The following OR9Q1 variants were observed in gnomAD, a reference collection of about 807,000 sequenced individuals.
OR9Q1 encodes the protein olfactory receptor 9Q1.
For synonymous variants in OR9Q1, 153 were observed against 148.6 expected, an observed-to-expected ratio of 1.03 and a Z score of -0.22; for missense variants, 374 against 378.8, an observed-to-expected ratio of 0.99 and a Z score of 0.11.
intron 1 of OR9Q1, among the ~76,000 whole-genome samples, chr11:58,034,323 G>A (rs1373082334): frequency 1.3e-5 from 2 of 151,760 alleles, no homozygotes; most frequent in Admixed American, 6.6e-5. Context: ...TTCTGACCTC[G>A]TGATCTGCCC....
At chr11:58,115,273 C>CA (rs1853941886) in intron 2 of OR9Q1, among the ~76,000 whole-genome samples, 1 of 152,066 alleles carries the variant, frequency 6.6e-6, no homozygotes, top group African/African-American at 2.4e-5. Flanking sequence ...CTTGCAATAA[C>CA]AAAAATGTTA....
intron 2 of OR9Q1, among the ~76,000 whole-genome samples, chr11:58,086,173 C>A (rs927072490): frequency 6.6e-6 from 1 of 151,710 alleles, no homozygotes; most frequent in Non-Finnish European, 1.5e-5. Context: ...AGCAAAAAAC[C>A]AAATAACCCA....
chr11:58,099,442 A>T (rs1273196765), intron 2 of OR9Q1, among the ~76,000 whole-genome samples: 1 of 151,842 alleles, frequency 6.6e-6, no homozygotes, highest in Non-Finnish European at 1.5e-5. Flanking sequence ...TAAATTCATC[A>T]TCTTGTCATT....
intron 2 of OR9Q1, among the ~76,000 whole-genome samples, chr11:58,164,118 G>A (rs1854479594): frequency 6.6e-6 from 1 of 152,182 alleles, no homozygotes; most frequent in Admixed American, 6.5e-5. Flanking sequence ...CCTGCAGACA[G>A]AGGATATTCC....
intron 1 of OR9Q1, among the ~76,000 whole-genome samples, chr11:58,034,381 C>T (rs775305321): frequency 3.9e-5 from 6 of 152,060 alleles, no homozygotes; most frequent in Non-Finnish European, 5.9e-5. Flanking sequence ...GCCACTGCAC[C>T]CGGCCAGCAC....
intron 2 of OR9Q1, among the ~76,000 whole-genome samples, chr11:58,162,340 T>C (rs1854464921): frequency 6.6e-6 from 1 of 152,246 alleles, no homozygotes; most frequent in Non-Finnish European, 1.5e-5. Context: ...GCTCTAATAA[T>C]GGGTTTTCAC....
chr11:58,031,106 G>C, intron 1 of OR9Q1: 2 of 1,614,044 alleles, frequency 1.2e-6, no homozygotes, highest in Non-Finnish European at 1.7e-6. Flanking sequence ...TTTAGTGGTG[G>C]GTTTGGACCA....
chr11:58,037,718 T>TAG (rs1853121552), intron 1 of OR9Q1, among the ~76,000 whole-genome samples: 1 of 42,958 alleles, frequency 2.3e-5, no homozygotes, highest in Non-Finnish European at 4.4e-5. Context: ...TTTTTTTTTT[T>TAG]TTTTTTTTTT....
intron 2 of OR9Q1, among the ~76,000 whole-genome samples, chr11:58,152,048 C>T (rs1854358274): frequency 6.6e-6 from 1 of 152,150 alleles, no homozygotes; most frequent in African/African-American, 2.4e-5. Context: ...GAAATCCTCT[C>T]AGGCCAGGAG....
At chr11:58,152,255 A>T (rs936622313) in intron 2 of OR9Q1, among the ~76,000 whole-genome samples, 1 of 152,204 alleles carries the variant, frequency 6.6e-6, no homozygotes, top group Non-Finnish European at 1.5e-5. Flanking sequence ...GAATCAGAAC[A>T]TTTATTTTAT....
chr11:58,133,224 TTTTTG>T (rs141914621), intron 2 of OR9Q1, among the ~76,000 whole-genome samples: 6 of 152,028 alleles, frequency 3.9e-5, no homozygotes, highest in Non-Finnish European at 2.9e-5. Flanking sequence ...TCTTTGTTTC[TTTTTG>T]TTTTGTTTTG....
At chr11:58,036,278 CA>C (rs1853099848) in intron 1 of OR9Q1, among the ~76,000 whole-genome samples, 1 of 152,192 alleles carries the variant, frequency 6.6e-6, no homozygotes, top group Non-Finnish European at 1.5e-5. Context: ...TGAATATTTT[CA>C]GCCTACTATT....
intron 2 of OR9Q1, among the ~76,000 whole-genome samples, chr11:58,127,661 A>G (rs1854102577): frequency 6.6e-6 from 1 of 152,182 alleles, no homozygotes; most frequent in Non-Finnish European, 1.5e-5. Context: ...CTTAGCAGCC[A>G]ATACTCATAG....
At chr11:58,151,429 T>C (rs1854350447) in intron 2 of OR9Q1, among the ~76,000 whole-genome samples, 1 of 152,224 alleles carries the variant, frequency 6.6e-6, no homozygotes, top group South Asian at 2.1e-4. Flanking sequence ...TTGCATCATT[T>C]GCTTTCATAG....
chr11:58,174,018 T>A (rs541607747), intron 2 of OR9Q1, among the ~76,000 whole-genome samples: 12 of 152,260 alleles, frequency 7.9e-5, no homozygotes, highest in Admixed American at 5.9e-4. Context: ...GTATATTTTG[T>A]ATGTGATTTG....
intron 2 of OR9Q1, among the ~76,000 whole-genome samples, chr11:58,058,929 G>A (rs1352045689): frequency 1.3e-5 from 2 of 152,168 alleles, no homozygotes; most frequent in East Asian, 1.9e-4. Flanking sequence ...TTGGAAAACT[G>A]GGGGCGCTGA....
Position 58,179,766 on chromosome 11 carries a change from G to A in OR9Q1, c.322G>A (p.Gly108Ser), listed in dbSNP as rs1292499941. Residue 108 changes from glycine to serine, a missense_variant, in exon 3 of 3, where the codon GGT (glycine) becomes AGT (serine). Physicochemically the swap from Gly to Ser is moderately conservative, Grantham distance 56. Coordinates refer to ENST00000335397, the MANE Select transcript of OR9Q1 (RefSeq NM_001005212.4). ...AAQFFLFTFFGSIDCYLLALM... is the reference protein window; with the variant it reads ...AAQFFLFTFFSSIDCYLLALM... Reference sequence around the variant, plus strand: ...TCAGTTCTTTCTGTTCACCTTCTTTGGTTCCATCGACTGCTACCTCTTGGC... The same window carrying A: ...TCAGTTCTTTCTGTTCACCTTCTTTAGTTCCATCGACTGCTACCTCTTGGC... 6.2e-7 allele frequency: 1 copy of A among 1,614,154 alleles called. No individual in the cohort carries two copies. Among genetic ancestry groups the A allele is most frequent in the Non-Finnish European group, 8.5e-7 (1 of 1,180,026 alleles).
intron 2 of OR9Q1, among the ~76,000 whole-genome samples, chr11:58,102,255 ACCCTTTT>A (rs1853791343): frequency 2.7e-3 from 1 of 374 alleles, no homozygotes; most frequent in African/African-American, 4.9e-3. Context: ...TGTTTTGTAT[ACCCTTTT>A]TACCCTTTTT....
At chr11:58,116,575 A>G (rs1043074901) in intron 2 of OR9Q1, among the ~76,000 whole-genome samples, 1 of 152,234 alleles carries the variant, frequency 6.6e-6, no homozygotes, top group African/African-American at 2.4e-5. Context: ...AATTCTTACG[A>G]GAATGATGCT....
Sources: allele counts gnomAD v4.1 joint callset (sites outside exome capture counted in the v4.1 genomes callset), GRCh38; gene constraint gnomAD v4.1.1; transcripts MANE v1.5; gene names NCBI Gene and HGNC (gene_info 2026-07-23, HGNC 2026-07-21).